Variants in ATAD2B observed in about 807,000 individuals in gnomAD.
ATAD2B encodes the protein ATPase family AAA domain containing 2B.
ATAD2B carries 40 observed loss-of-function variants against 167.6 expected under a neutral mutation model. The observed-to-expected ratio is 0.24, with a 90% CI of 0.19 to 0.31. The LOEUF (loss-of-function observed/expected upper bound fraction) is 0.31. Ranked by LOEUF, ATAD2B falls within the 10% of genes least tolerant of loss-of-function variation. ATAD2B has a pLI of 1.00. For missense variants in ATAD2B, 1,242 were observed against 1,757.2 expected (o/e 0.71, Z 5.24); for synonymous variants, 579 against 596.5 (o/e 0.97, Z 0.43).
chr2:23,906,143 C>T (rs913799377), intron 1 of ATAD2B, among the ~76,000 whole-genome samples: 5 of 152,116 alleles, frequency 3.3e-5, no homozygotes, highest in Admixed American at 2.0e-4. Flanking sequence ...TCAAGACTAG[C>T]CTCGCCAACA....
chr2:23,887,432 A>G (rs1345238436), intron 4 of ATAD2B, among the ~76,000 whole-genome samples: 1 of 152,184 alleles, frequency 6.6e-6, no homozygotes, highest in Non-Finnish European at 1.5e-5. Context: ...GATACTGAAC[A>G]ATACTTAAGT....
chr2:23,900,831 C>G (rs1348614867), intron 1 of ATAD2B: 1 of 152,230 alleles, frequency 6.6e-6, no homozygotes, highest in East Asian at 1.9e-4. Flanking sequence ...GGGTCTGCCT[C>G]CCTCACAAAT....
In ATAD2B at chr2:23,845,312, A is replaced by G. The variant is rs553732573; in HGVS notation, c.1569-11234T>C. Among the ~76,000 whole-genome samples the G allele has an allele frequency of 1.5e-3, 221 of 152,250 alleles. 2 individuals carry two copies. The highest frequency in any genetic ancestry group is 0.013 in the Admixed American group (196 of 15,294). On this transcript the variant is annotated intron_variant, in intron 13 of 27. Coordinates refer to ENST00000238789, the MANE Select transcript of ATAD2B (RefSeq NM_017552.4). ...ATAGCCCAAACTGGAAACAACCTAA[A>G]TGTCCGTCCAGTGTGTTGTATAGCC...
At chr2:23,855,012 T>G (rs565668105) in intron 13 of ATAD2B, among the ~76,000 whole-genome samples, 2 of 152,186 alleles carry the variant, frequency 1.3e-5, no homozygotes, top group East Asian at 3.9e-4. Flanking sequence ...CTGGCCAACA[T>G]GGCAAAACCC....
intron 24 of ATAD2B, among the ~76,000 whole-genome samples, chr2:23,760,829 A>T (rs1023877602): frequency 6.7e-5 from 10 of 148,680 alleles, no homozygotes; most frequent in Non-Finnish European, 1.3e-4. Flanking sequence ...CGATCTTTAG[A>T]GTCAATTTTT....
chr2:23,811,711 C>T (rs921759030), intron 17 of ATAD2B, among the ~76,000 whole-genome samples: 1 of 151,982 alleles, frequency 6.6e-6, no homozygotes, highest in East Asian at 1.9e-4. Flanking sequence ...CAAACCTGCA[C>T]ATTCTGCATA....
intron 13 of ATAD2B, among the ~76,000 whole-genome samples, chr2:23,851,921 G>A (rs1400680626): frequency 1.7e-4 from 24 of 142,220 alleles, no homozygotes; most frequent in African/African-American, 1.8e-4. Flanking sequence ...GAGTAATCAA[G>A]AAAAAAAAAA....
chr2:23,691,746 C>G, the ATAD2B span: 1 of 1,551,798 alleles, frequency 6.4e-7, no homozygotes, highest in South Asian at 1.2e-5. Flanking sequence ...AGGCAGACGT[C>G]CTGGAGTTGC....
chr2:23,703,316 G>A, the ATAD2B span: 17 of 1,546,606 alleles, frequency 1.1e-5, no homozygotes, highest in East Asian at 7.4e-5. Context: ...CCGAGCTGCC[G>A]GCGTCCTCCA....
intron 21 of ATAD2B, among the ~76,000 whole-genome samples, chr2:23,784,776 G>T (rs867495125): frequency 4.0e-5 from 6 of 151,842 alleles, no homozygotes; most frequent in Admixed American, 3.3e-4. Context: ...AACACTATGG[G>T]GGGGGGGATG....
At chr2:23,740,539 A>T in the ATAD2B span, among the ~76,000 whole-genome samples, 1 of 152,114 alleles carries the variant, frequency 6.6e-6, no homozygotes, top group African/African-American at 2.4e-5. Context: ...TTAGGTATTG[A>T]TGGGACGTAT....
At chr2:23,678,604 T>C in the ATAD2B span, among the ~76,000 whole-genome samples, 1 of 152,290 alleles carries the variant, frequency 6.6e-6, no homozygotes, top group South Asian at 2.1e-4. Context: ...AGAGTCACAG[T>C]CTAAATAAGT....
intron 18 of ATAD2B, among the ~76,000 whole-genome samples, chr2:23,808,212 T>A (rs1463024473): frequency 7.1e-6 from 1 of 140,382 alleles, no homozygotes; most frequent in Non-Finnish European, 1.5e-5. Context: ...TAAAAATATA[T>A]ATATATATAA....
chr2:23,698,994 A>G, the ATAD2B span, among the ~76,000 whole-genome samples: 10 of 152,256 alleles, frequency 6.6e-5, no homozygotes, highest in Admixed American at 6.5e-4. Flanking sequence ...TAAAAAGCAG[A>G]TATCTGAACT....
At chr2:23,925,129 G>A (rs933012925) in intron 1 of ATAD2B, among the ~76,000 whole-genome samples, 1 of 152,136 alleles carries the variant, frequency 6.6e-6, no homozygotes, top group African/African-American at 2.4e-5. Flanking sequence ...AGTAGGTCAA[G>A]AAGCTTGAAC....
intron 1 of ATAD2B, among the ~76,000 whole-genome samples, chr2:23,920,384 T>C (rs1471228191): frequency 6.6e-6 from 1 of 152,242 alleles, no homozygotes; most frequent in Non-Finnish European, 1.5e-5. Context: ...CTCATATGCA[T>C]ACCATGTGCA....
At chr2:23,732,128 C>T in the ATAD2B span, among the ~76,000 whole-genome samples, 1 of 152,166 alleles carries the variant, frequency 6.6e-6, no homozygotes, top group African/African-American at 2.4e-5. Context: ...AACAGCACAG[C>T]TCTAGATCCA....
rs907328333 is a variant in ATAD2B at position 23,748,668 on chromosome 2, TTTC to T, written c.*3375_*3377del. On this transcript the variant is annotated 3_prime_UTR_variant, in exon 28 of 28. Coordinates refer to ENST00000238789, the MANE Select transcript of ATAD2B (RefSeq NM_017552.4). ...TAATTAAGCTAAAGAAAGACATGTTTTTCTTGTCATCTTTATTCAAGTATTTCA... is the reference window on the plus strand; with the variant it reads ...TAATTAAGCTAAAGAAAGACATGTTTTTGTCATCTTTATTCAAGTATTTCA... 1 of 152,208 alleles carries T rather than the reference TTTC, an allele frequency of 6.6e-6. No individual in the cohort carries two copies. Among genetic ancestry groups the T allele is most frequent in the African/African-American group, 2.4e-5 (1 of 41,468 alleles). 9.4% of individuals were successfully genotyped at this position (152,208 alleles called of 1,614,324 possible). A position where few individuals can be genotyped will look rare whatever the true frequency, so the allele number is the denominator to read the frequency against.
intron 5 of ATAD2B, among the ~76,000 whole-genome samples, 193 bp from the exon 6 acceptor site, chr2:23,885,066 T>C (rs1698479116): frequency 6.6e-6 from 1 of 152,140 alleles, no homozygotes. Flanking sequence ...AATAAACTTA[T>C]AAAAATGTAA....
Sources: allele counts gnomAD v4.1 joint callset (sites outside exome capture counted in the v4.1 genomes callset), GRCh38; gene constraint gnomAD v4.1.1; transcripts MANE v1.5; gene names NCBI Gene and HGNC (gene_info 2026-07-23, HGNC 2026-07-21).